BRWD3: variants seen among roughly 807,000 people sequenced by gnomAD.
BRWD3 encodes the protein bromodomain and WD repeat domain containing 3.
BRWD3 carries 10 observed loss-of-function variants against 149.7 expected under a neutral mutation model. That is an observed-to-expected ratio of 0.07 (90% CI 0.04 to 0.11). The LOEUF (loss-of-function observed/expected upper bound fraction) is 0.11. Ranked by LOEUF, BRWD3 falls within the 10% of genes least tolerant of loss-of-function variation. BRWD3 has a pLI of 1.00. For missense variants in BRWD3, 940 were observed against 1,373.2 expected, an observed-to-expected ratio of 0.68 and a Z score of 4.99; for synonymous variants, 504 against 456.7, an observed-to-expected ratio of 1.10 and a Z score of -1.32.
intron 6 of BRWD3, among the ~76,000 whole-genome samples, chrX:80,774,784 G>T (rs73227327): frequency 0.084 from 9,282 of 110,544 alleles, 374 homozygotes; most frequent in South Asian, 0.19. Context: ...AATCTTGCTT[G>T]AATCAATCCA....
intron 6 of BRWD3, among the ~76,000 whole-genome samples, chrX:80,789,532 C>T (rs749189863): frequency 9.0e-6 from 1 of 111,122 alleles, no homozygotes; most frequent in Non-Finnish European, 1.9e-5. Context: ...CGTGCCACCA[C>T]GCCCAGCTAA....
chrX:80,777,524 C>T (rs2074011923), intron 6 of BRWD3, among the ~76,000 whole-genome samples: 1 of 110,701 alleles, frequency 9.0e-6, no homozygotes, highest in Admixed American at 9.7e-5. Context: ...TCCTAAGTAG[C>T]TGGGACTATA....
intron 21 of BRWD3, among the ~76,000 whole-genome samples, chrX:80,708,808 C>A: frequency 9.5e-6 from 1 of 105,373 alleles, no homozygotes. Context: ...GAGTGAGACT[C>A]CATCTCAAAA....
intron 6 of BRWD3, among the ~76,000 whole-genome samples, chrX:80,774,234 G>C (rs1476435470): frequency 9.1e-6 from 1 of 110,393 alleles, no homozygotes; most frequent in African/African-American, 3.3e-5. Context: ...AATGCTGATG[G>C]TTCCTTCAGA....
In BRWD3 at chrX:80,716,183, T is replaced by C. The variant is rs2073072222; in HGVS notation, c.2299A>G (p.Lys767Glu). 2 of 1,207,460 alleles carry C rather than the reference T, an allele frequency of 1.7e-6. No individual in the cohort carries two copies. Among genetic ancestry groups the C allele is most frequent in the African/African-American group, 3.5e-5 (2 of 57,187 alleles). ...CTTTGAGTAGTGTAAGATGGCTTTT[T>C]CTTCTTTTCAACTGTATAAAGACTG... is the stretch of plus-strand genomic sequence containing the variant. The part of the protein sequence containing the change: ...EISLYTVEKK[K>E]KPSYTTQRND... Residue 767 changes from lysine (K) to glutamate (E), a missense_variant, in exon 20 of 41, where the codon AAA becomes GAA. By Grantham distance (56) the Lys-to-Glu change is moderately conservative (BLOSUM62 1). Around this residue, in one of 6 missense-constraint regions of BRWD3, gnomAD observed 103 missense variants for 103.2 expected, o/e 1.00. Coordinates refer to ENST00000373275, the MANE Select transcript of BRWD3 (RefSeq NM_153252.5).
At chrX:80,717,548 T>G in intron 19 of BRWD3, 25 bp downstream of exon 19, 2 of 1,193,371 alleles carry the variant, frequency 1.7e-6, no homozygotes, top group South Asian at 3.5e-5. Context: ...TAAATTTTTT[T>G]CTAAATGTTA....
Position 80,717,590 on chromosome X carries a change from T to A in BRWD3, c.2214A>T (p.Leu738=), listed in dbSNP as rs138999024. The A allele has an allele frequency of 2.5e-6, 3 of 1,209,795 alleles. No homozygotes were observed. The African/African-American group carries it at 5.2e-5, about 21-fold the overall frequency. The change falls in exon 19 of 41, where the codon CTA becomes CTT. Residue 738 remains leucine, a synonymous_variant. Transcript: ENST00000373275. ...AWSRRVVVNE[L]NNGVSRVQEE... ...TGACTCACCTACTAACCCCATTATTTAGTTCATTGACCACCACTCTTCTGC... is the reference window on the plus strand; with the variant it reads ...TGACTCACCTACTAACCCCATTATTAAGTTCATTGACCACCACTCTTCTGC...
In BRWD3 at chrX:80,709,530, G is replaced by T. The variant is rs1393324771; in HGVS notation, c.2373C>A (p.Arg791=). The T allele has an allele frequency of 8.3e-7, 1 of 1,208,050 alleles. No individual in the cohort carries two copies. The highest frequency in any genetic ancestry group is 1.1e-6 in the Non-Finnish European group (1 of 893,929). The change falls in exon 21 of 41, where the codon CGC becomes CGA. Residue 791 remains arginine, a synonymous_variant. Coordinates refer to ENST00000373275, the MANE Select transcript of BRWD3 (RefSeq NM_153252.5). ...GTGTTTGGTAAGTATGCTGACGTTTGCGCTGTGTCCTGCGTAAAGAACGCC... is the reference window on the plus strand; with the variant it reads ...GTGTTTGGTAAGTATGCTGACGTTTTCGCTGTGTCCTGCGTAAAGAACGCC... ...SCGRSLRRTQ[R]KRQHTYQTRS...
At chrX:80,781,980 A>G (rs1602429408) in intron 6 of BRWD3, among the ~76,000 whole-genome samples, 1 of 112,061 alleles carries the variant, frequency 8.9e-6, no homozygotes, top group African/African-American at 3.2e-5. Flanking sequence ...TACCAATGAC[A>G]TTCTTCACAG....
At chrX:80,684,390 T>C (rs1407567017) in intron 36 of BRWD3, among the ~76,000 whole-genome samples, 5 of 111,811 alleles carry the variant, frequency 4.5e-5, no homozygotes, top group African/African-American at 1.6e-4. Context: ...TAAATAACTA[T>C]GAAGGTAAAG....
At chrX:80,751,549 A>C (rs2147799888) in intron 6 of BRWD3, among the ~76,000 whole-genome samples, 1 of 112,251 alleles carries the variant, frequency 8.9e-6, no homozygotes, top group South Asian at 3.7e-4. Flanking sequence ...TAAGCAAAAT[A>C]CATTTTTTTA....
At chrX:80,800,790 T>C (rs2074286307) in intron 4 of BRWD3, among the ~76,000 whole-genome samples, 1 of 111,389 alleles carries the variant, frequency 9.0e-6, no homozygotes, top group Non-Finnish European at 1.9e-5. Context: ...GGCCTTTCCC[T>C]AGTTGCTCTT....
chrX:80,765,485 C>T (rs1310633876), intron 6 of BRWD3, among the ~76,000 whole-genome samples: 1 of 111,663 alleles, frequency 9.0e-6, no homozygotes, highest in Admixed American at 9.5e-5. Flanking sequence ...AGGTTTGGGT[C>T]ACTTTACTTT....
At chrX:80,772,189 T>C (rs1338798467) in intron 6 of BRWD3, among the ~76,000 whole-genome samples, 1 of 111,963 alleles carries the variant, frequency 8.9e-6, no homozygotes, top group Non-Finnish European at 1.9e-5. Flanking sequence ...TGCGGCACTA[T>C]TCACAATAGC....
chrX:80,687,212 A>G (rs2072540550), intron 34 of BRWD3, among the ~76,000 whole-genome samples: 1 of 110,782 alleles, frequency 9.0e-6, no homozygotes, highest in Non-Finnish European at 1.9e-5. Context: ...TAGACATTAT[A>G]TTCATGGAAA....
intron 6 of BRWD3, among the ~76,000 whole-genome samples, chrX:80,771,981 A>AGGATGT (rs2073948989): frequency 9.0e-6 from 1 of 111,722 alleles, no homozygotes; most frequent in African/African-American, 3.3e-5. Flanking sequence ...GATGCTGGAG[A>AGGATGT]GGATGTGGAA....
chrX:80,783,300 C>T (rs1181217817), intron 6 of BRWD3, among the ~76,000 whole-genome samples: 1 of 108,294 alleles, frequency 9.2e-6, no homozygotes, highest in African/African-American at 3.4e-5. Context: ...GTGAAAGAAA[C>T]ACTTGAACCC....
At chrX:80,808,955 C>T (rs972757136) in intron 3 of BRWD3, 58 bp downstream of exon 3, 1 of 1,153,391 alleles carries the variant, frequency 8.7e-7, no homozygotes, top group South Asian at 1.9e-5. Flanking sequence ...CTGACTTGCC[C>T]TCCCCTTCCT....
intron 40 of BRWD3, among the ~76,000 whole-genome samples, chrX:80,679,655 G>A (rs1424307413): frequency 9.0e-6 from 1 of 111,041 alleles, no homozygotes; most frequent in African/African-American, 3.3e-5. Context: ...AGAGATATAA[G>A]CTAATCAATA....
Sources: gnomAD v4.1 joint callset for allele counts (sites outside exome capture counted in the v4.1 genomes callset) on GRCh38, gnomAD v4.1.1 for gene constraint, gnomAD v4.1.1 regional missense constraint, MANE v1.5 for transcripts, NCBI Gene and HGNC (gene_info 2026-07-23, HGNC 2026-07-21) for gene names.